The following PDE12 variants were observed in gnomAD, a reference collection of about 807,000 sequenced individuals.
PDE12 encodes phosphodiesterase 12, also known as 2',5'-phosphodiesterase 12.
A neutral mutation model predicts 45.4 loss-of-function variants in PDE12; 26 were observed. That is an observed-to-expected ratio of 0.57 (90% CI 0.42 to 0.79). The LOEUF (loss-of-function observed/expected upper bound fraction) is 0.79. PDE12 is among the 30% of genes least tolerant of loss of function. The pLI is 0.00. For synonymous variants in PDE12, 283 were observed against 323.9 expected, an observed-to-expected ratio of 0.87 and a Z score of 1.36; for missense variants, 668 against 790.0, an observed-to-expected ratio of 0.85 and a Z score of 1.85.
chr3:57,561,487 A>C lies in PDE12; in HGVS notation c.*1483A>C. 1.0e-6 allele frequency: 1 copy of C among 984,532 alleles called. No homozygotes were observed. Among genetic ancestry groups the C allele is most frequent in the South Asian group, 4.7e-5 (1 of 21,268 alleles). 61.0% of individuals were successfully genotyped at this position (984,532 alleles called of 1,614,324 possible). A position where few individuals can be genotyped will look rare whatever the true frequency, so the allele number is the denominator to read the frequency against. On this transcript the variant is annotated 3_prime_UTR_variant, in exon 3 of 3. Transcript: ENST00000311180. Reference sequence around the variant, plus strand: ...CAAACTTTTTAAAATTAGAAACTACAAATGGTTATACTGATTAGTGTCTAG... The same window carrying C: ...CAAACTTTTTAAAATTAGAAACTACCAATGGTTATACTGATTAGTGTCTAG...
chr3:57,632,353 G>C, the PDE12 span, among the ~76,000 whole-genome samples: 1 of 151,306 alleles, frequency 6.6e-6, no homozygotes, highest in African/African-American at 2.4e-5. Context: ...AGAGAGTCTT[G>C]CTGTTGCCCA....
At chr3:57,617,979 G>C in the PDE12 span, among the ~76,000 whole-genome samples, 1 of 151,984 alleles carries the variant, frequency 6.6e-6, no homozygotes, top group Non-Finnish European at 1.5e-5. Context: ...CGAGTCCTTC[G>C]CAACAAAGTG....
the PDE12 span, among the ~76,000 whole-genome samples, chr3:57,638,897 G>A: frequency 3.3e-5 from 5 of 152,076 alleles, no homozygotes; most frequent in African/African-American, 1.2e-4. Flanking sequence ...GAGCACAGGA[G>A]TTTAGGACCA....
At chr3:57,634,666 A>T in the PDE12 span, 14 of 1,494,860 alleles carry the variant, frequency 9.4e-6, no homozygotes, top group Admixed American at 3.1e-4. Flanking sequence ...CCCAAGTACC[A>T]TATAAATATA....
chr3:57,560,076 G>C lies in PDE12; in HGVS notation c.*72G>C. 6.6e-7 allele frequency: 1 copy of C among 1,515,362 alleles called. No homozygotes were observed. The highest frequency in any genetic ancestry group is 8.8e-7 in the Non-Finnish European group (1 of 1,141,498). 93.9% of individuals were successfully genotyped at this position (1,515,362 alleles called of 1,614,324 possible). Reference sequence around the variant, plus strand: ...AGCAGAAAATTTAATATGAATCAAAGCTTATATGTAAACTTCAAGGAGGAA... The same window carrying C: ...AGCAGAAAATTTAATATGAATCAAACCTTATATGTAAACTTCAAGGAGGAA... On this transcript the variant is annotated 3_prime_UTR_variant, in exon 3 of 3. Transcript: ENST00000311180.
At chr3:57,570,107 A>C (rs2069822912), downstream of PDE12, among the ~76,000 whole-genome samples, 1 of 152,108 alleles carries the variant, frequency 6.6e-6, no homozygotes, top group African/African-American at 2.4e-5. Context: ...AGAAAGGAGA[A>C]TTCATCCAGT....
chr3:57,559,200 G>C (rs2069699438), intron 1 of PDE12, 110 bp from the exon 2 acceptor site: 1 of 855,206 alleles, frequency 1.2e-6, no homozygotes, highest in African/African-American at 1.7e-5. Context: ...CAGCCTGGTT[G>C]ACAGAGTGAG....
chr3:57,612,162 G>A, the PDE12 span, among the ~76,000 whole-genome samples: 2 of 146,954 alleles, frequency 1.4e-5, no homozygotes, highest in African/African-American at 5.0e-5. Flanking sequence ...AACATCGTAT[G>A]TTCTCACTCA....
downstream of PDE12, chr3:57,571,491 A>G (rs2069842794): frequency 2.0e-5 from 3 of 152,686 alleles, no homozygotes; most frequent in Admixed American, 2.0e-4. Context: ...AAACATCAGC[A>G]GAACTATCAT....
chr3:57,586,636 A>G, the PDE12 span, among the ~76,000 whole-genome samples: 1 of 152,190 alleles, frequency 6.6e-6, no homozygotes, highest in Non-Finnish European at 1.5e-5. Flanking sequence ...TCAAGCCCTC[A>G]TTCATGAGCA....
downstream of PDE12, among the ~76,000 whole-genome samples, chr3:57,570,971 C>CT (rs1237449477): frequency 6.6e-6 from 1 of 152,038 alleles, no homozygotes; most frequent in East Asian, 1.9e-4. Flanking sequence ...CCCCACCCCC[C>CT]ACCTGATTTT....
Position 57,559,767 on chromosome 3 carries a change from T to C in PDE12, c.1593T>C (p.Asn531=). 1 of 1,614,214 alleles carries C rather than the reference T, an allele frequency of 6.2e-7. No homozygotes were observed. Among genetic ancestry groups the C allele is most frequent in the African/African-American group, 1.3e-5 (1 of 75,066 alleles). The change falls in exon 3 of 3, where the codon AAT becomes AAC. Residue 531 remains asparagine (N), a synonymous_variant. Coordinates refer to ENST00000311180, the MANE Select transcript of PDE12 (RefSeq NM_177966.7). The part of the protein sequence containing the change: ...WASNGEEERC[N]MSLTHFFKLK... ...CCAATGGGGAGGAGGAAAGATGCAA[T>C]ATGTCTCTTACACATTTCTTCAAGC...
the PDE12 span, chr3:57,630,843 A>T: frequency 6.2e-7 from 1 of 1,610,256 alleles, no homozygotes; most frequent in Non-Finnish European, 8.5e-7. Flanking sequence ...CAGGACATAT[A>T]ATATTTAGAA....
In PDE12 at chr3:57,556,349, G is replaced by A. The variant is rs1251070005; in HGVS notation, c.-31G>A. On this transcript the variant is annotated 5_prime_UTR_variant, in exon 1 of 3. Coordinates refer to ENST00000311180, the MANE Select transcript of PDE12 (RefSeq NM_177966.7). The surrounding 1 kb of genome is among the most constrained non-coding windows in gnomAD (Gnocchi z 5.0). ...TGACAGTAGGCCGCTGATCGGCCGC[G>A]GGTCTTGTCGACCGCTAGGCCACCA... The A allele has an allele frequency of 4.6e-6, 7 of 1,526,472 alleles. No homozygotes were observed. The highest frequency in any genetic ancestry group is 5.3e-6 in the Non-Finnish European group (6 of 1,135,184). 94.6% of individuals were successfully genotyped at this position (1,526,472 alleles called of 1,614,324 possible).
the PDE12 span, among the ~76,000 whole-genome samples, chr3:57,606,580 TA>T: frequency 6.6e-6 from 1 of 152,170 alleles, no homozygotes; most frequent in Non-Finnish European, 1.5e-5. Context: ...GTAAACTTTT[TA>T]ATTTAAAACT....
chr3:57,614,651 C>T, the PDE12 span, among the ~76,000 whole-genome samples: 2 of 147,160 alleles, frequency 1.4e-5, no homozygotes, highest in East Asian at 4.3e-4. Context: ...TCACGCCATT[C>T]TCCCGCCTCA....
chr3:57,583,112 A>G, the PDE12 span, among the ~76,000 whole-genome samples: 1 of 152,250 alleles, frequency 6.6e-6, no homozygotes, highest in African/African-American at 2.4e-5. Flanking sequence ...CAAAATGTCA[A>G]TAGTGCTGTG....
At chr3:57,621,594 C>T in the PDE12 span, among the ~76,000 whole-genome samples, 1 of 151,792 alleles carries the variant, frequency 6.6e-6, no homozygotes, top group South Asian at 2.1e-4. Context: ...TGCTTGAACC[C>T]GGTTGCAGTG....
chr3:57,639,060 T>C, the PDE12 span, among the ~76,000 whole-genome samples: 1 of 152,136 alleles, frequency 6.6e-6, no homozygotes, highest in Non-Finnish European at 1.5e-5. Flanking sequence ...ATTGTGCCAA[T>C]GCACTCCAGC....
Sources: allele counts gnomAD v4.1 joint callset (sites outside exome capture counted in the v4.1 genomes callset), GRCh38; gene constraint gnomAD v4.1.1; non-coding constraint Gnocchi (gnomAD v3.1); transcripts MANE v1.5; gene names NCBI Gene and HGNC (gene_info 2026-07-23, HGNC 2026-07-21).